Variants in FANCC observed in about 807,000 individuals in gnomAD.
FANCC encodes FA complementation group C, also known as Fanconi anemia group C protein.
Under a neutral mutation model 71.3 loss-of-function variants are expected in FANCC, and 55 were observed. The ratio of observed to expected loss-of-function variants is 0.77; its 90% confidence interval spans 0.62 to 0.97. The LOEUF (loss-of-function observed/expected upper bound fraction) is 0.97. Ranked by LOEUF, FANCC falls within the 50% of genes least tolerant of loss-of-function variation. FANCC has a pLI of 0.00. For synonymous variants in FANCC, 275 were observed against 244.9 expected (o/e 1.12, Z -1.15); for missense variants, 678 against 670.9 (o/e 1.01, Z -0.12).
Position 95,284,889 on chromosome 9 carries a change from C to T in FANCC, c.-79+32637G>A, listed in dbSNP as rs955585917. ...ACACACACACACATACACACACACA[C>T]ACACACACACACACAAACATACGCA... On this transcript the variant is annotated intron_variant, in intron 1 of 14. Transcript: ENST00000289081. Among the ~76,000 whole-genome samples the T allele has an allele frequency of 4.8e-4, 73 of 151,764 alleles. No homozygotes were observed. In the East Asian group the frequency reaches 0.01, roughly 21 times the overall value.
At chr9:95,169,873 A>G (rs1194594973) in intron 6 of FANCC, among the ~76,000 whole-genome samples, 2 of 152,330 alleles carry the variant, frequency 1.3e-5, no homozygotes, top group Non-Finnish European at 2.9e-5. Context: ...TTCAGTTTTC[A>G]TCTTCTAGTA....
intron 3 of FANCC, among the ~76,000 whole-genome samples, chr9:95,242,851 G>C (rs1273872994): frequency 1.3e-5 from 2 of 152,172 alleles, no homozygotes; most frequent in African/African-American, 4.8e-5. Flanking sequence ...CATCTGTCAG[G>C]CTCCTCCCTG....
chr9:95,207,042 A>T (rs1321958826), intron 4 of FANCC, among the ~76,000 whole-genome samples: 1 of 152,170 alleles, frequency 6.6e-6, no homozygotes, highest in South Asian at 2.1e-4. Context: ...TCTTCTCTGT[A>T]GGAGCCAAGA....
chr9:95,123,548 C>T (rs762051334), intron 10 of FANCC: 5 of 535,080 alleles, frequency 9.3e-6, no homozygotes, highest in South Asian at 1.4e-5. Context: ...GAACAACGGT[C>T]GTACCAAAAA....
chr9:95,106,235 A>G (rs2071439259), intron 14 of FANCC, among the ~76,000 whole-genome samples: 1 of 152,122 alleles, frequency 6.6e-6, no homozygotes, highest in African/African-American at 2.4e-5. Flanking sequence ...ATCTCCCCAC[A>G]TGCCTACTGG....
intron 1 of FANCC, among the ~76,000 whole-genome samples, chr9:95,262,873 T>C (rs1832138663): frequency 6.6e-6 from 1 of 152,204 alleles, no homozygotes; most frequent in African/African-American, 2.4e-5. Flanking sequence ...AGGACAGATA[T>C]TCTTTGATTC....
At chr9:95,225,173 T>C (rs1250273309) in intron 4 of FANCC, among the ~76,000 whole-genome samples, 1 of 152,196 alleles carries the variant, frequency 6.6e-6, no homozygotes, top group Non-Finnish European at 1.5e-5. Flanking sequence ...GGGAAATCAC[T>C]GAACTTCAAA....
In FANCC at chr9:95,117,448, A is replaced by G. The variant is rs1050138237; in HGVS notation, c.997-58T>C. ...ACATTAAGATTGAAACGGGGTCAGG[A>G]AAATACAAAACTCTGAGTCCTCTGC... On this transcript the variant is annotated intron_variant, in intron 10 of 14. Coordinates refer to ENST00000289081, the MANE Select transcript of FANCC (RefSeq NM_000136.3). 19 of 1,446,926 alleles carry G rather than the reference A, an allele frequency of 1.3e-5. No individual in the cohort carries two copies. In the African/African-American group the frequency reaches 2.4e-4, roughly 18 times the overall value. 89.6% of individuals were successfully genotyped at this position (1,446,926 alleles called of 1,614,324 possible). A position where few individuals can be genotyped will look rare whatever the true frequency, so the allele number is the denominator to read the frequency against.
intron 1 of FANCC, among the ~76,000 whole-genome samples, chr9:95,307,112 C>G (rs983640396): frequency 6.6e-6 from 1 of 152,108 alleles, no homozygotes; most frequent in African/African-American, 2.4e-5. Context: ...CCTGAACTTA[C>G]GGGCTCAAGT....
At chr9:95,289,952 C>A (rs1833908690) in intron 1 of FANCC, among the ~76,000 whole-genome samples, 3 of 152,190 alleles carry the variant, frequency 2.0e-5, no homozygotes, top group Admixed American at 6.5e-5. Context: ...ATCCATTGTG[C>A]CCAGCCACAC....
rs188744545 is a variant in FANCC at position 95,287,123 on chromosome 9, A to C, written c.-79+30403T>G. On this transcript the variant is annotated intron_variant, in intron 1 of 14. Coordinates refer to ENST00000289081, the MANE Select transcript of FANCC (RefSeq NM_000136.3). ...CTACAATCCCACTATACAGGTGTGG[A>C]AACTAAGGAAAAGAGAAGTAAATAT... Among the ~76,000 whole-genome samples the C allele has an allele frequency of 3.9e-5, 6 of 152,294 alleles. No homozygotes were observed. The East Asian group carries it at 1.2e-3, about 29-fold the overall frequency.
At chr9:95,260,082 C>T (rs1326526150) in intron 1 of FANCC, among the ~76,000 whole-genome samples, 2 of 152,198 alleles carry the variant, frequency 1.3e-5, no homozygotes, top group Non-Finnish European at 1.5e-5. Context: ...AACGCTTTTA[C>T]CCTGTTGGTG....
chr9:95,128,662 C>T (rs1231771492), intron 8 of FANCC, among the ~76,000 whole-genome samples: 3 of 152,232 alleles, frequency 2.0e-5, no homozygotes, highest in African/African-American at 7.2e-5. Context: ...CTTCTGTGCG[C>T]TGTTTTCTAG....
At chr9:95,239,569 C>T (rs1830515576) in intron 4 of FANCC, among the ~76,000 whole-genome samples, 1 of 152,142 alleles carries the variant, frequency 6.6e-6, no homozygotes, top group African/African-American at 2.4e-5. Context: ...AAATTAAGGA[C>T]TAAATATGTC....
chr9:95,161,906 A>G (rs914286943), intron 6 of FANCC, among the ~76,000 whole-genome samples: 6 of 146,846 alleles, frequency 4.1e-5, no homozygotes, highest in African/African-American at 1.3e-4. Context: ...CAATGGCACG[A>G]TCTCAGCTCA....
intron 4 of FANCC, among the ~76,000 whole-genome samples, chr9:95,227,923 T>C (rs1829729126): frequency 6.6e-6 from 1 of 152,176 alleles, no homozygotes; most frequent in African/African-American, 2.4e-5. Flanking sequence ...CTTGGGGCCT[T>C]GTTCTTCATG....
intron 10 of FANCC, among the ~76,000 whole-genome samples, chr9:95,117,910 C>G (rs1197975846): frequency 1.3e-5 from 2 of 152,126 alleles, no homozygotes; most frequent in African/African-American, 4.8e-5. Context: ...TTAGTAGAGA[C>G]AGAGTTTCTC....
chr9:95,142,779 G>C (rs1307602369), intron 7 of FANCC, among the ~76,000 whole-genome samples: 2 of 152,294 alleles, frequency 1.3e-5, no homozygotes, highest in Admixed American at 1.3e-4. Context: ...GCGAGTGTTA[G>C]AGTGGTCAGA....
chr9:95,203,935 C>A (rs1371359086), intron 4 of FANCC, among the ~76,000 whole-genome samples: 2 of 152,142 alleles, frequency 1.3e-5, no homozygotes. Context: ...TTGTAGGCCT[C>A]CTGAAATAGT....
Sources: allele counts gnomAD v4.1 joint callset (sites outside exome capture counted in the v4.1 genomes callset), GRCh38; gene constraint gnomAD v4.1.1; transcripts MANE v1.5; gene names NCBI Gene and HGNC (gene_info 2026-07-23, HGNC 2026-07-21).